Variants in SRCIN1 observed in about 807,000 individuals in gnomAD.
SRCIN1 encodes P130Cas-associated protein.
Under a neutral mutation model 116.2 loss-of-function variants are expected in SRCIN1, and 50 were observed. The ratio of observed to expected loss-of-function variants is 0.43; its 90% confidence interval spans 0.34 to 0.54. The LOEUF is 0.54. Ranked by LOEUF, SRCIN1 falls within the 20% of genes least tolerant of loss-of-function variation. The pLI, the probability that SRCIN1 is intolerant of heterozygous loss-of-function variation, is 0.02. For missense variants in SRCIN1, 1,446 were observed against 1,672.0 expected (o/e 0.86, Z 2.36); for synonymous variants, 736 against 750.0 (o/e 0.98, Z 0.30).
intron 18 of SRCIN1, among the ~76,000 whole-genome samples, chr17:38,539,408 G>A (rs1244810180): frequency 2.6e-5 from 4 of 152,120 alleles, no homozygotes; most frequent in East Asian, 1.9e-4. Context: ...AATTTCTGCC[G>A]TGCTCTGTAC....
chr17:38,555,513 C>A (rs1905726922), intron 11 of SRCIN1, among the ~76,000 whole-genome samples: 2 of 152,148 alleles, frequency 1.3e-5, no homozygotes, highest in South Asian at 2.1e-4. Context: ...AATTATTAAA[C>A]AATTTGGGAG....
upstream of SRCIN1, chr17:38,605,978 T>TGTCACTGCGGGCGGGCGC (rs1475184889): frequency 3.6e-5 from 5 of 139,668 alleles, no homozygotes; most frequent in African/African-American, 1.0e-4. Context: ...GGCGCGGGTG[T>TGTCACTGCGGGCGGGCGC]GTCACTGCGG....
chr17:38,549,893 AGGCGTTT>A (rs1469763509), intron 15 of SRCIN1, among the ~76,000 whole-genome samples: 11 of 152,122 alleles, frequency 7.2e-5, no homozygotes, highest in African/African-American at 2.4e-4. Flanking sequence ...ACACACCTTC[AGGCGTTT>A]GCACACGCTG....
intron 2 of SRCIN1, among the ~76,000 whole-genome samples, chr17:38,570,262 C>T (rs544062729): frequency 6.6e-6 from 1 of 152,184 alleles, no homozygotes; most frequent in African/African-American, 2.4e-5. Context: ...CATACACAAA[C>T]GTGTTTGGCT....
At position 38,585,581 on chromosome 17, in the gene SRCIN1, CT is replaced by C. The variant is rs1287164676; in HGVS notation, c.23-6791del. ...TCGGCCTCCCTGTCCCTGGGTGCCC[CT>C]GGCTCTGCCTTCCTTGTGTGCCCAT... On this transcript the variant is annotated intron_variant, in intron 1 of 18. Transcript: ENST00000617146. This position sits in a 1 kb window ranked among gnomAD's most constrained non-coding sequence, Gnocchi z 4.2. Among the ~76,000 whole-genome samples, 1 of 152,202 alleles carries C rather than the reference CT, an allele frequency of 6.6e-6. No individual in the cohort carries two copies. Among genetic ancestry groups the C allele is most frequent in the Non-Finnish European group, 1.5e-5 (1 of 68,020 alleles).
At chr17:38,581,971 C>A (rs777869753) in intron 1 of SRCIN1, among the ~76,000 whole-genome samples, 1 of 152,176 alleles carries the variant, frequency 6.6e-6, no homozygotes, top group Non-Finnish European at 1.5e-5. Flanking sequence ...AAGGAGGGGA[C>A]CCTCTGAGGC....
intron 1 of SRCIN1, among the ~76,000 whole-genome samples, chr17:38,581,088 G>C (rs1037674310): frequency 6.6e-6 from 1 of 152,024 alleles, no homozygotes; most frequent in Non-Finnish European, 1.5e-5. Flanking sequence ...TCCCACTTTG[G>C]CCTCCCAAAG....
In SRCIN1 at chr17:38,532,878, C is replaced by A; in HGVS notation, c.*419G>T. The A allele has an allele frequency of 6.4e-6, 1 of 155,748 alleles. No individual in the cohort carries two copies. The highest frequency in any genetic ancestry group is 1.4e-5 in the Non-Finnish European group (1 of 70,672). The allele number at this position is 155,748 out of a possible 1,614,324, so 9.6% of individuals were successfully genotyped here. ...AGGGGTCTCCCACTGCTCCAAGTCT[C>A]CGTGGTTCAGAGTTTGTTTGGAGTA... On this transcript the variant is annotated 3_prime_UTR_variant, in exon 19 of 19. Coordinates refer to ENST00000617146, the MANE Select transcript of SRCIN1 (RefSeq NM_025248.3). This position sits in a 1 kb window ranked among gnomAD's most constrained non-coding sequence, Gnocchi z 4.3.
Position 38,552,338 on chromosome 17 carries a change from C to T in SRCIN1, c.2480+109G>A, listed in dbSNP as rs889992622. On this transcript the variant is annotated intron_variant, in intron 13 of 18. Coordinates refer to ENST00000617146, the MANE Select transcript of SRCIN1 (RefSeq NM_025248.3). This position sits in a 1 kb window ranked among gnomAD's most constrained non-coding sequence, Gnocchi z 5.3. ...GGCAGAGCTGAGGTGCCAGTCCAGT[C>T]GGCACGCCAGTGACCTTTGGGGGAG... 9.4e-5 allele frequency: 137 copies of T among 1,461,260 alleles called. No individual in the cohort carries two copies. The highest frequency in any genetic ancestry group is 2.4e-4 in the South Asian group (17 of 70,542). 90.5% of individuals were successfully genotyped at this position (1,461,260 alleles called of 1,614,324 possible).
chr17:38,559,505 G>C (rs1473943924), intron 10 of SRCIN1, 80 bp downstream of exon 10: 4 of 1,443,054 alleles, frequency 2.8e-6, no homozygotes, highest in Non-Finnish European at 3.8e-6. Flanking sequence ...GAGGTAGTAG[G>C]GGATGGGGCG....
rs911111759 is a variant in SRCIN1 at position 38,558,143 on chromosome 17, G to A, written c.2201+84C>T. 2.0e-6 allele frequency: 3 copies of A among 1,489,294 alleles called. No individual in the cohort carries two copies. The highest frequency in any genetic ancestry group is 2.8e-5 in the African/African-American group (2 of 72,194). 92.3% of individuals were successfully genotyped at this position (1,489,294 alleles called of 1,614,324 possible). ...ACGCCACCTGTGACTCAGAGGGAAG[G>A]GAGCTGCGCCTCCCAGGGAAACCAG... is the stretch of plus-strand genomic sequence containing the variant. On this transcript the variant is annotated intron_variant, in intron 11 of 18. Transcript: ENST00000617146. This position sits in a 1 kb window ranked among gnomAD's most constrained non-coding sequence, Gnocchi z 4.6.
chr17:38,560,487 C>T, intron 7 of SRCIN1, 62 bp from the exon 8 acceptor site: 1 of 1,392,322 alleles, frequency 7.2e-7, no homozygotes, highest in Non-Finnish European at 1.0e-6. Flanking sequence ...CTGCCCAGCC[C>T]CCCATTCCTA....
chr17:38,559,896 C>A, intron 9 of SRCIN1, 124 bp from the exon 10 acceptor site: 1 of 1,382,996 alleles, frequency 7.2e-7, no homozygotes. Context: ...GTGGCTCTAC[C>A]TGCCCCAAGT....
At chr17:38,583,051 T>TA (rs983084133) in intron 1 of SRCIN1, among the ~76,000 whole-genome samples, 49 of 152,158 alleles carry the variant, frequency 3.2e-4, no homozygotes, top group African/African-American at 1.1e-3. Context: ...CTTAGCAACT[T>TA]TTCTGAGACC....
intron 1 of SRCIN1, among the ~76,000 whole-genome samples, chr17:38,595,499 A>G (rs1382032102): frequency 1.3e-5 from 2 of 152,244 alleles, no homozygotes; most frequent in African/African-American, 4.8e-5. Flanking sequence ...TACAGGCGTG[A>G]GCCACCGCGC....
chr17:38,561,844 G>A lies in SRCIN1; in HGVS notation c.1319C>T (p.Ala440Val). 1 of 1,476,476 alleles carries A rather than the reference G, an allele frequency of 6.8e-7. No individual in the cohort carries two copies. Among genetic ancestry groups the A allele is most frequent in the Admixed American group, 2.5e-5 (1 of 40,030 alleles). 91.5% of individuals were successfully genotyped at this position (1,476,476 alleles called of 1,614,324 possible). ...CTCCAGATCGGACTGCAGCGCGGCG[G>A]CCGAGTAGGTGCTGAGCGAGCGCAC... ...GSVRSLSTYS[A>V]AALQSDLEDS... The change falls in exon 7 of 19, where the codon GCC becomes GTC. Residue 440 changes from alanine (A) to valine (V), a missense_variant. Physicochemically the swap from Ala to Val is moderately conservative, Grantham distance 64 (BLOSUM62 0). Around this residue, in one of 5 missense-constraint regions of SRCIN1, gnomAD observed 398 missense variants for 385.6 expected, o/e 1.03. Transcript: ENST00000617146.
intron 18 of SRCIN1, among the ~76,000 whole-genome samples, chr17:38,539,917 A>G (rs1904621068): frequency 6.8e-6 from 1 of 147,910 alleles, no homozygotes; most frequent in African/African-American, 2.5e-5. Flanking sequence ...GCTACTCAGG[A>G]GGCTGAAGCA....
chr17:38,578,292 CT>C (rs1048849645), intron 2 of SRCIN1, among the ~76,000 whole-genome samples, 197 bp downstream of exon 2: 1 of 152,238 alleles, frequency 6.6e-6, no homozygotes, highest in Non-Finnish European at 1.5e-5. Flanking sequence ...CACCCCCTTC[CT>C]CCCCAGGCTC....
At chr17:38,540,249 G>A (rs546399743) in intron 18 of SRCIN1, among the ~76,000 whole-genome samples, 1 of 152,024 alleles carries the variant, frequency 6.6e-6, no homozygotes, top group Admixed American at 6.5e-5. Context: ...TACTCTGTGG[G>A]GTCAGGCACT....
Sources: gnomAD v4.1 joint callset for allele counts (sites outside exome capture counted in the v4.1 genomes callset) on GRCh38, gnomAD v4.1.1 for gene constraint, gnomAD v4.1.1 regional missense constraint, Gnocchi (gnomAD v3.1) non-coding constraint, MANE v1.5 for transcripts, NCBI Gene and HGNC (gene_info 2026-07-23, HGNC 2026-07-21) for gene names.